The following GRID2 variants were observed in gnomAD, a reference collection of about 807,000 sequenced individuals.
GRID2 encodes the protein glutamate receptor ionotropic, delta-2.
GRID2 carries 33 observed loss-of-function variants against 114.8 expected under a neutral mutation model. That is an observed-to-expected ratio of 0.29 (90% CI 0.22 to 0.38). GRID2 has a LOEUF of 0.38. GRID2 is among the 10% of genes least tolerant of loss of function. GRID2 has a pLI of 1.00. For synonymous variants in GRID2, 505 were observed against 449.9 expected (o/e 1.12, Z -1.55); for missense variants, 1,184 against 1,257.7 (o/e 0.94, Z 0.89).
In GRID2 at chr4:93,047,076, T is replaced by C. The variant is rs561605893; in HGVS notation, c.245-37919T>C. ...ATGTGGTCTTCCTTCTAATAACCCA[T>C]AACTCCAGTCCTGTCATGAGAAAAA... On this transcript the variant is annotated intron_variant, in intron 2 of 15. Coordinates refer to ENST00000282020, the MANE Select transcript of GRID2 (RefSeq NM_001510.4). Among the ~76,000 whole-genome samples, 10 of 152,032 alleles carry C rather than the reference T, an allele frequency of 6.6e-5. No homozygotes were observed. In the East Asian group the frequency reaches 1.9e-3, roughly 30 times the overall value.
In GRID2 at chr4:92,673,568, C is replaced by A. The variant is rs760667819; in HGVS notation, c.244+83282C>A. On this transcript the variant is annotated intron_variant, in intron 2 of 15. Transcript: ENST00000282020. Reference sequence around the variant, plus strand: ...ACTGCATGTCCGCTAAGGAAATATTCTGTTTTTTTAGGTGAAACCACTTTT... The same window carrying A: ...ACTGCATGTCCGCTAAGGAAATATTATGTTTTTTTAGGTGAAACCACTTTT... 5.6e-4 allele frequency among the ~76,000 whole-genome samples: 85 copies of A among 152,098 alleles called. 1 individual carries two copies. The highest frequency in any genetic ancestry group is 8.8e-5 in the Non-Finnish European group (6 of 68,010).
At chr4:92,728,525 G>C (rs989354889) in intron 2 of GRID2, among the ~76,000 whole-genome samples, 4 of 151,946 alleles carry the variant, frequency 2.6e-5, no homozygotes, top group Admixed American at 2.6e-4. Flanking sequence ...AGCTGACTTA[G>C]TATAAGGAAT....
chr4:92,395,775 G>A (rs1331075518), intron 1 of GRID2, among the ~76,000 whole-genome samples: 1 of 151,788 alleles, frequency 6.6e-6, no homozygotes, highest in Non-Finnish European at 1.5e-5. Context: ...CACTTAGAGA[G>A]TTGGGTGGGA....
At chr4:92,838,491 C>T (rs1264781242) in intron 2 of GRID2, among the ~76,000 whole-genome samples, 1 of 151,680 alleles carries the variant, frequency 6.6e-6, no homozygotes, top group African/African-American at 2.4e-5. Flanking sequence ...TCAAATAATC[C>T]CAAACATAAA....
At chr4:92,808,497 G>T (rs192074328) in intron 2 of GRID2, among the ~76,000 whole-genome samples, 268 of 152,126 alleles carry the variant, frequency 1.8e-3, no homozygotes, top group African/African-American at 5.0e-3. Flanking sequence ...ATGTTTAGGG[G>T]ATGTAAAATT....
intron 14 of GRID2, among the ~76,000 whole-genome samples, chr4:93,734,671 T>C (rs1321693616): frequency 6.6e-6 from 1 of 151,984 alleles, no homozygotes; most frequent in Non-Finnish European, 1.5e-5. Context: ...TGTGGCCTGA[T>C]ATTACTTATC....
chr4:93,613,267 G>A lies in GRID2; in HGVS notation c.2194-13002G>A, dbSNP rs1165711915. On this transcript the variant is annotated intron_variant, in intron 13 of 15. Coordinates refer to ENST00000282020, the MANE Select transcript of GRID2 (RefSeq NM_001510.4). ...TTGCCTTTGGTTTGAATGTCCTCCC[G>A]TAGCTCAGAGTAATTTGATCGTCTG... is the stretch of plus-strand genomic sequence containing the variant. Among the ~76,000 whole-genome samples, 409 of 138,232 alleles carry A rather than the reference G, an allele frequency of 3.0e-3. 2 individuals carry two copies. The highest frequency in any genetic ancestry group is 0.01 in the African/African-American group (377 of 36,806). The allele number at this position is 138,232 out of a possible 152,430, so 90.7% of individuals were successfully genotyped here.
chr4:92,675,082 C>G (rs986856801), intron 2 of GRID2, among the ~76,000 whole-genome samples: 3 of 152,078 alleles, frequency 2.0e-5, no homozygotes, highest in African/African-American at 7.2e-5. Flanking sequence ...GGATTTTGTT[C>G]TGACAAGTAG....
chr4:93,795,892 G>A (rs907441169), intron 1 of GRID2, among the ~76,000 whole-genome samples: 2 of 152,124 alleles, frequency 1.3e-5, no homozygotes, highest in African/African-American at 4.8e-5. Flanking sequence ...AGGAGCGTGT[G>A]GAAGAATCCA....
chr4:93,262,653 A>C (rs1231517119), intron 8 of GRID2, among the ~76,000 whole-genome samples: 1 of 151,970 alleles, frequency 6.6e-6, no homozygotes, highest in East Asian at 1.9e-4. Flanking sequence ...CTTTGAATAA[A>C]ATTCCTGTTG....
intron 14 of GRID2, among the ~76,000 whole-genome samples, chr4:93,764,842 C>A (rs1733507877): frequency 6.6e-6 from 1 of 152,152 alleles, no homozygotes; most frequent in African/African-American, 2.4e-5. Flanking sequence ...GGAAATTGCA[C>A]GCCAAACAGA....
At chr4:93,418,454 C>T (rs540659125) in intron 9 of GRID2, among the ~76,000 whole-genome samples, 2 of 152,030 alleles carry the variant, frequency 1.3e-5, no homozygotes, top group African/African-American at 2.4e-5. Context: ...AACAACACTC[C>T]TTTGTAGTTT....
chr4:93,712,098 T>A (rs1429283913), intron 14 of GRID2, among the ~76,000 whole-genome samples: 1 of 152,186 alleles, frequency 6.6e-6, no homozygotes, highest in Admixed American at 6.6e-5. Flanking sequence ...TTGGCTTAAC[T>A]TTTTACATAT....
chr4:93,488,988 A>G (rs1302492425), intron 11 of GRID2, among the ~76,000 whole-genome samples: 3 of 152,052 alleles, frequency 2.0e-5, no homozygotes, highest in Admixed American at 2.0e-4. Flanking sequence ...TGAATTTGAG[A>G]GAGAAATAAT....
At chr4:92,942,921 G>C (rs529300782) in intron 2 of GRID2, among the ~76,000 whole-genome samples, 52 of 152,328 alleles carry the variant, frequency 3.4e-4, no homozygotes, top group Non-Finnish European at 6.8e-4. Context: ...GGCTTGTAGA[G>C]TTTCTGCCGA....
intron 1 of GRID2, among the ~76,000 whole-genome samples, chr4:92,441,054 G>A (rs1379628961): frequency 3.3e-5 from 5 of 151,944 alleles, no homozygotes; most frequent in Admixed American, 6.6e-5. Context: ...GCCGCTGCAT[G>A]CAGACATGAG....
At chr4:93,345,284 G>A (rs1560522358) in intron 8 of GRID2, among the ~76,000 whole-genome samples, 1 of 151,884 alleles carries the variant, frequency 6.6e-6, no homozygotes, top group Non-Finnish European at 1.5e-5. Flanking sequence ...CAGTCTATAA[G>A]CATTCCCTTT....
chr4:93,359,889 A>T (rs910471622), intron 8 of GRID2, among the ~76,000 whole-genome samples: 1 of 146,210 alleles, frequency 6.8e-6, no homozygotes, highest in South Asian at 2.2e-4. Context: ...AAAAAAAAAA[A>T]AAAAAAAAAA....
In GRID2 at chr4:93,515,302, G is replaced by T. The variant is rs776043231; in HGVS notation, c.2084G>T (p.Gly695Val). The change falls in exon 13 of 16, where the codon GGA becomes GTA. Residue 695 changes from glycine (G) to valine (V), a missense_variant. By Grantham distance (109) the Gly-to-Val change is moderately radical. This residue lies in a region of GRID2 where 717 missense variants were observed against 796.9 expected (regional missense o/e 0.90). Transcript: ENST00000282020. ...GTATATGAGCATGTCCGCATGAAAG[G>T]ACTGAATCCTTTTGAGAGGGACAGC... is the stretch of plus-strand genomic sequence containing the variant. ...SAVYEHVRMK[G>V]LNPFERDSMY... 1.5e-5 allele frequency: 24 copies of T among 1,610,972 alleles called. No individual in the cohort carries two copies. The East Asian group carries it at 5.4e-4, about 36-fold the overall frequency.
Sources: gnomAD v4.1 joint callset for allele counts (sites outside exome capture counted in the v4.1 genomes callset) on GRCh38, gnomAD v4.1.1 for gene constraint, gnomAD v4.1.1 regional missense constraint, MANE v1.5 for transcripts, NCBI Gene and HGNC (gene_info 2026-07-23, HGNC 2026-07-21) for gene names.